JAZF1: variants seen among roughly 807,000 people sequenced by gnomAD.
JAZF1 encodes the protein JAZF zinc finger 1.
JAZF1 carries 8 observed loss-of-function variants against 26.4 expected under a neutral mutation model. That is an observed-to-expected ratio of 0.30 (90% CI 0.18 to 0.55). The LOEUF (loss-of-function observed/expected upper bound fraction) is 0.55, where lower values mean the gene tolerates loss of function less well. Ranked by LOEUF, JAZF1 falls within the 20% of genes least tolerant of loss-of-function variation. The pLI, the probability that JAZF1 is intolerant of heterozygous loss-of-function variation, is 0.94. For synonymous variants in JAZF1, 126 were observed against 122.3 expected (o/e 1.03, Z -0.20); for missense variants, 199 against 322.0 (o/e 0.62, Z 2.92).
At chr7:27,948,603 C>A (rs1024284545) in intron 2 of JAZF1, among the ~76,000 whole-genome samples, 1 of 152,188 alleles carries the variant, frequency 6.6e-6, no homozygotes, top group Non-Finnish European at 1.5e-5. Flanking sequence ...AGACTCACTT[C>A]AGGCATGCGG....
At chr7:27,921,428 C>A (rs1023597867) in intron 2 of JAZF1, among the ~76,000 whole-genome samples, 2 of 151,614 alleles carry the variant, frequency 1.3e-5, no homozygotes, top group Admixed American at 1.3e-4. Flanking sequence ...GTGTAGCTTA[C>A]CAGCATGATT....
chr7:27,872,309 G>C lies in JAZF1; in HGVS notation c.385+22911C>G, dbSNP rs547193518. ...CAACAAAAAATGCATTGGGTTTCCT[G>C]CAATTAAGCTGCAATGTTTTACAGT... On this transcript the variant is annotated intron_variant, in intron 3 of 4. Transcript: ENST00000283928. 3.9e-5 allele frequency among the ~76,000 whole-genome samples: 6 copies of C among 152,276 alleles called. No homozygotes were observed. In the South Asian group the frequency reaches 1.2e-3, roughly 32 times the overall value.
intron 1 of JAZF1, among the ~76,000 whole-genome samples, chr7:28,066,218 A>G (rs17156333): frequency 0.055 from 8,438 of 152,212 alleles, 409 homozygotes; most frequent in African/African-American, 0.13. Flanking sequence ...ACTTCACCAG[A>G]GGTATTTCTA....
intron 4 of JAZF1, among the ~76,000 whole-genome samples, chr7:27,835,833 T>A (rs1269829915): frequency 1.3e-5 from 2 of 151,998 alleles, no homozygotes; most frequent in African/African-American, 2.4e-5. Context: ...TAAAAAAAAA[T>A]AAATAATGGC....
At chr7:27,902,506 C>A (rs1784182475) in intron 2 of JAZF1, among the ~76,000 whole-genome samples, 1 of 152,164 alleles carries the variant, frequency 6.6e-6, no homozygotes, top group South Asian at 2.1e-4. Flanking sequence ...TGTCTAGATT[C>A]AAATCCCTGA....
At chr7:27,934,975 A>G (rs1784745107) in intron 2 of JAZF1, among the ~76,000 whole-genome samples, 1 of 152,226 alleles carries the variant, frequency 6.6e-6, no homozygotes, top group Non-Finnish European at 1.5e-5. Context: ...TTGTATCCAG[A>G]ATATAAAAAG....
intron 2 of JAZF1, among the ~76,000 whole-genome samples, chr7:27,971,385 G>C (rs1785373934): frequency 6.6e-6 from 1 of 152,162 alleles, no homozygotes; most frequent in Non-Finnish European, 1.5e-5. Flanking sequence ...TTGAGCCAAC[G>C]GGCAAGGTCT....
At chr7:28,108,648 C>A (rs1784592867) in intron 1 of JAZF1, among the ~76,000 whole-genome samples, 1 of 152,100 alleles carries the variant, frequency 6.6e-6, no homozygotes, top group East Asian at 1.9e-4. Context: ...TACGAAGGTG[C>A]CTCAAAATAT....
chr7:27,906,973 G>C (rs935319080), intron 2 of JAZF1, among the ~76,000 whole-genome samples: 2 of 152,196 alleles, frequency 1.3e-5, no homozygotes, highest in Non-Finnish European at 2.9e-5. Context: ...ATGAGTTATT[G>C]AGGTTTCACT....
chr7:28,083,415 T>G (rs1001778305), intron 1 of JAZF1, among the ~76,000 whole-genome samples: 1 of 152,182 alleles, frequency 6.6e-6, no homozygotes, highest in South Asian at 2.1e-4. Flanking sequence ...TGATACGTAA[T>G]GGGAGTACCA....
chr7:27,920,435 C>A (rs757372376), intron 2 of JAZF1, among the ~76,000 whole-genome samples: 1 of 152,190 alleles, frequency 6.6e-6, no homozygotes, highest in African/African-American at 2.4e-5. Flanking sequence ...CATTCCATAA[C>A]TGAACTGTGT....
chr7:27,980,977 A>G (rs538155565), intron 2 of JAZF1, among the ~76,000 whole-genome samples: 1 of 152,244 alleles, frequency 6.6e-6, no homozygotes, highest in Admixed American at 6.5e-5. Context: ...CTATGTTCCT[A>G]CAAATACATA....
At chr7:27,881,756 T>C (rs2128339639) in intron 3 of JAZF1, among the ~76,000 whole-genome samples, 1 of 152,276 alleles carries the variant, frequency 6.6e-6, no homozygotes, top group Middle Eastern at 3.4e-3. Context: ...GAGCTGAGGA[T>C]GCACCAACAG....
At chr7:28,180,012 C>G (rs1448248171) in intron 1 of JAZF1, among the ~76,000 whole-genome samples, 4 of 146,798 alleles carry the variant, frequency 2.7e-5, no homozygotes, top group Non-Finnish European at 6.1e-5. Flanking sequence ...GCCCGCCCCC[C>G]GCTGCCCTCA....
intron 1 of JAZF1, among the ~76,000 whole-genome samples, chr7:28,042,252 C>A (rs138959432): frequency 1.3e-5 from 2 of 152,090 alleles, no homozygotes; most frequent in African/African-American, 4.8e-5. Flanking sequence ...ATCTGATTAC[C>A]GTGCAGGGTG....
At chr7:28,023,839 T>A (rs1374793181) in intron 1 of JAZF1, among the ~76,000 whole-genome samples, 2 of 152,186 alleles carry the variant, frequency 1.3e-5, no homozygotes, top group Non-Finnish European at 2.9e-5. Flanking sequence ...CCTTAAGGAC[T>A]TATAGATGCT....
chr7:28,090,774 A>G (rs1784280922), intron 1 of JAZF1, among the ~76,000 whole-genome samples: 1 of 150,224 alleles, frequency 6.7e-6, no homozygotes, highest in Non-Finnish European at 1.5e-5. Flanking sequence ...TTTCCTATTC[A>G]AGCTCTTATT....
chr7:28,000,713 C>T lies in JAZF1; in HGVS notation c.116-8732G>A, dbSNP rs559542846. 1.3e-4 allele frequency among the ~76,000 whole-genome samples: 19 copies of T among 150,390 alleles called. No homozygotes were observed. In the South Asian group the frequency reaches 1.5e-3, roughly 12 times the overall value. ...AGCTCACTGCAACCTCTGCCTCCCA[C>T]GTTCAATCGATTCTCATGCCTCAGC... On this transcript the variant is annotated intron_variant, in intron 1 of 4. Coordinates refer to ENST00000283928, the MANE Select transcript of JAZF1 (RefSeq NM_175061.4).
intron 1 of JAZF1, among the ~76,000 whole-genome samples, chr7:28,125,848 G>A (rs1782684406): frequency 6.6e-6 from 1 of 152,162 alleles, no homozygotes; most frequent in Non-Finnish European, 1.5e-5. Flanking sequence ...TTTCTCATCA[G>A]TGCTAAATGA....
Sources: allele counts gnomAD v4.1 joint callset (sites outside exome capture counted in the v4.1 genomes callset), GRCh38; gene constraint gnomAD v4.1.1; transcripts MANE v1.5; gene names NCBI Gene and HGNC (gene_info 2026-07-23, HGNC 2026-07-21).